The following ALKBH3 variants were observed in gnomAD, a reference collection of about 807,000 sequenced individuals.
ALKBH3 encodes the protein alkB homolog 3, alpha-ketoglutarate dependent dioxygenase, also known as alpha-ketoglutarate-dependent dioxygenase alkB homolog 3.
ALKBH3 carries 51 observed loss-of-function variants against 43.9 expected under a neutral mutation model. That is an observed-to-expected ratio of 1.16 (90% CI 0.93 to 1.47). The LOEUF (loss-of-function observed/expected upper bound fraction) is 1.47, where lower values mean the gene tolerates loss of function less well. Ranked by LOEUF, ALKBH3 falls within the 40% of genes most tolerant of loss-of-function variation. The probability of loss-of-function intolerance (pLI) is 0.00; values close to 1 mark genes in which losing one functional copy is unlikely to be tolerated. For synonymous variants in ALKBH3, 102 were observed against 115.2 expected, an observed-to-expected ratio of 0.89 and a Z score of 0.73; for missense variants, 361 against 351.9, an observed-to-expected ratio of 1.03 and a Z score of -0.21.
chr11:43,889,707 T>C lies in ALKBH3; in HGVS notation c.267-18T>C. 6.2e-7 allele frequency: 1 copy of C among 1,609,066 alleles called. No individual in the cohort carries two copies. On this transcript the variant is annotated intron_variant, in intron 5 of 9. Coordinates refer to ENST00000302708, the MANE Select transcript of ALKBH3 (RefSeq NM_139178.4). ...CTTTTCCATGTTTTTTGGTTAACAA[T>C]GTTCATTCTGCACCCAGGGTCTGTT...
intron 9 of ALKBH3, chr11:43,919,479 G>C: frequency 3.3e-6 from 1 of 307,386 alleles, no homozygotes; most frequent in Non-Finnish European, 6.0e-6. Context: ...AATAGCTTCA[G>C]GGTAGCTAGT....
At chr11:43,918,816 G>A (rs1952003660) in intron 8 of ALKBH3, 1 of 507,714 alleles carries the variant, frequency 2.0e-6, no homozygotes, top group South Asian at 3.0e-5. Flanking sequence ...AGCCCTAGGT[G>A]GCAGTCACTG....
chr11:43,882,793 T>C (rs1444358645), intron 2 of ALKBH3, 62 bp downstream of exon 2: 1 of 1,484,988 alleles, frequency 6.7e-7, no homozygotes, highest in African/African-American at 1.4e-5. Context: ...CTCTTTTATT[T>C]ATATCCTTTT....
At chr11:43,903,318 T>C (rs1052238116) in intron 8 of ALKBH3, among the ~76,000 whole-genome samples, 1 of 152,242 alleles carries the variant, frequency 6.6e-6, no homozygotes, top group Non-Finnish European at 1.5e-5. Context: ...TGTACACAGC[T>C]TTCACTCAGT....
rs191306584 is a variant in ALKBH3, at chr11:43,887,929, C to T, written c.266+1276C>T. On this transcript the variant is annotated intron_variant, in intron 5 of 9. Transcript: ENST00000302708. ...TCAGCCTCCCGAGTAGCTGGGACTA[C>T]AGGCACGTGCCACCATGCCCAGCTA... Among the ~76,000 whole-genome samples, 136 of 151,848 alleles carry T rather than the reference C, an allele frequency of 9.0e-4. 2 individuals are homozygous for T. The highest frequency in any genetic ancestry group is 7.7e-3 in the South Asian group (37 of 4,804).
At chr11:43,897,116 G>C (rs1951824277) in intron 7 of ALKBH3, 1 of 391,126 alleles carries the variant, frequency 2.6e-6, no homozygotes, top group Non-Finnish European at 5.1e-6. Context: ...ATTTTTTATA[G>C]AGAGGGGTCT....
chr11:43,889,020 A>C (rs1343634087), intron 5 of ALKBH3, among the ~76,000 whole-genome samples: 3 of 152,068 alleles, frequency 2.0e-5, no homozygotes, highest in Admixed American at 1.3e-4. Context: ...GCATTTTATT[A>C]GTTATTCTTT....
At chr11:43,896,799 C>T (rs1951822129) in intron 7 of ALKBH3, among the ~76,000 whole-genome samples, 2 of 152,100 alleles carry the variant, frequency 1.3e-5, no homozygotes, top group Non-Finnish European at 2.9e-5. Flanking sequence ...TGAAATGTGT[C>T]AGCATTTAGA....
chr11:43,882,998 C>T (rs1951722214), intron 2 of ALKBH3, 87 bp from the exon 3 acceptor site: 2 of 1,064,630 alleles, frequency 1.9e-6, no homozygotes, highest in Non-Finnish European at 2.8e-6. Context: ...AGATCATCTC[C>T]AAGTGGGCTT....
chr11:43,885,852 G>A (rs1951742860), intron 4 of ALKBH3, among the ~76,000 whole-genome samples: 1 of 152,198 alleles, frequency 6.6e-6, no homozygotes. Flanking sequence ...CACAGAGGAT[G>A]AGAGGTTAAT....
At chr11:43,898,836 G>A in intron 7 of ALKBH3, 1 of 765,610 alleles carries the variant, frequency 1.3e-6, no homozygotes, top group Non-Finnish European at 2.4e-6. Context: ...ATGACTACCA[G>A]GGTCCTGGAG....
chr11:43,883,837 A>G (rs1214099373), intron 3 of ALKBH3, 146 bp from the exon 4 acceptor site: 6 of 793,340 alleles, frequency 7.6e-6, no homozygotes, highest in Non-Finnish European at 9.9e-6. Flanking sequence ...AGTGGAGACA[A>G]GGGTCTCTAG....
intron 7 of ALKBH3, among the ~76,000 whole-genome samples, chr11:43,896,323 AT>A (rs1951818787): frequency 2.0e-5 from 3 of 151,954 alleles, no homozygotes; most frequent in Admixed American, 2.0e-4. Context: ...AGGGGAGTTT[AT>A]TAAGTATTAA....
intron 6 of ALKBH3, 77 bp downstream of exon 6, chr11:43,889,905 G>C: frequency 1.7e-6 from 2 of 1,197,310 alleles, no homozygotes; most frequent in South Asian, 2.7e-5. Flanking sequence ...CATCACTTCT[G>C]CTCACCAAAG....
In ALKBH3 at chr11:43,896,147, A is replaced by C. The variant is rs373983771; in HGVS notation, c.459+4018A>C. ...ACGTGAATGTCACTTCAAGGAAAAC[A>C]ATGGACAAGATTTTTTTTACTAATG... On this transcript the variant is annotated intron_variant, in intron 7 of 9. Coordinates refer to ENST00000302708, the MANE Select transcript of ALKBH3 (RefSeq NM_139178.4). 1.6e-4 allele frequency among the ~76,000 whole-genome samples: 24 copies of C among 152,156 alleles called. No homozygotes were observed. In the East Asian group the frequency reaches 1.9e-3, roughly 12 times the overall value.
In ALKBH3 at chr11:43,892,140, A is replaced by G. The variant is rs1248559715; in HGVS notation, c.459+11A>G. On this transcript the variant is annotated intron_variant, in intron 7 of 9. Transcript: ENST00000302708. ...GAACCAAATCCTCACGTATGTCAACATATTGTCATTGGTATGGTTTTATAG... is the reference window on the plus strand; with the variant it reads ...GAACCAAATCCTCACGTATGTCAACGTATTGTCATTGGTATGGTTTTATAG... The G allele has an allele frequency of 1.9e-6, 3 of 1,588,086 alleles. No homozygotes were observed. Among genetic ancestry groups the G allele is most frequent in the Admixed American group, 1.7e-5 (1 of 59,972 alleles).
chr11:43,889,895 C>A, intron 6 of ALKBH3, 67 bp downstream of exon 6: 1 of 1,323,070 alleles, frequency 7.6e-7, no homozygotes, highest in Non-Finnish European at 1.1e-6. Context: ...TTCCTAGTAC[C>A]ATCACTTCTG....
In ALKBH3 at chr11:43,883,920, G is replaced by T; in HGVS notation, c.184-63G>T. ...TTTTGACCAGAAATGGGAAGATATG[G>T]TAAGTCAGTATCCTTGAGGATTAAG... On this transcript the variant is annotated intron_variant, in intron 3 of 9. Transcript: ENST00000302708. The T allele has an allele frequency of 2.5e-6, 4 of 1,582,890 alleles. No individual in the cohort carries two copies. In the East Asian group the frequency reaches 6.8e-5, roughly 27 times the overall value.
rs558339875 is a variant in ALKBH3 at position 43,881,948 on chromosome 11, G to T, written c.-70-635G>T. On this transcript the variant is annotated intron_variant, in intron 1 of 9. Coordinates refer to ENST00000302708, the MANE Select transcript of ALKBH3 (RefSeq NM_139178.4). ...TAGTATTATTAGCCATTATGAGGTG[G>T]ATTTATCCGTTAGCTGGAGACAGGA... Among the ~76,000 whole-genome samples the T allele has an allele frequency of 2.6e-5, 4 of 152,280 alleles. No individual in the cohort carries two copies. The South Asian group carries it at 8.3e-4, about 32-fold the overall frequency.
Sources: allele counts gnomAD v4.1 joint callset (sites outside exome capture counted in the v4.1 genomes callset), GRCh38; gene constraint gnomAD v4.1.1; transcripts MANE v1.5; gene names NCBI Gene and HGNC (gene_info 2026-07-23, HGNC 2026-07-21).